The following NELL2 variants were observed in gnomAD, a reference collection of about 807,000 sequenced individuals.
NELL2 encodes protein kinase C-binding protein NELL2.
NELL2 carries 41 observed loss-of-function variants against 109.6 expected under a neutral mutation model. That is an observed-to-expected ratio of 0.37 (90% CI 0.29 to 0.49). NELL2 has a LOEUF of 0.49. Among genes scored for constraint, NELL2 ranks in the 20% least tolerant of loss-of-function variants. The pLI is 0.98. For synonymous variants in NELL2, 355 were observed against 344.7 expected, an observed-to-expected ratio of 1.03 and a Z score of -0.33; for missense variants, 900 against 1,008.3, an observed-to-expected ratio of 0.89 and a Z score of 1.45.
intron 2 of NELL2, among the ~76,000 whole-genome samples, chr12:44,842,344 G>C (rs1243158989): frequency 1.3e-5 from 2 of 152,036 alleles, no homozygotes; most frequent in Admixed American, 1.3e-4. Context: ...AATGGGGAAA[G>C]GACATTGTTT....
At chr12:44,882,905 G>A (rs2703040) in intron 1 of NELL2, among the ~76,000 whole-genome samples, 2,603 of 139,250 alleles carry the variant, frequency 0.019, 105 homozygotes, top group African/African-American at 0.067. Context: ...TAGTGGTGCA[G>A]TCTCAACTCA....
intron 1 of NELL2, among the ~76,000 whole-genome samples, chr12:44,891,040 A>C (rs1212585359): frequency 6.6e-6 from 1 of 152,044 alleles, no homozygotes; most frequent in African/African-American, 2.4e-5. Context: ...GGGTTCATAC[A>C]TTTCATTATG....
chr12:44,539,244 C>T (rs576555437), intron 15 of NELL2, among the ~76,000 whole-genome samples: 1 of 152,050 alleles, frequency 6.6e-6, no homozygotes, highest in African/African-American at 2.4e-5. Context: ...GTTTTTCTCC[C>T]CTGTTCAAAA....
At chr12:44,714,352 A>G (rs576304798) in intron 10 of NELL2, among the ~76,000 whole-genome samples, 1 of 152,094 alleles carries the variant, frequency 6.6e-6, no homozygotes, top group African/African-American at 2.4e-5. Flanking sequence ...AACTTCACCT[A>G]CATTTTCCTC....
intron 11 of NELL2, among the ~76,000 whole-genome samples, chr12:44,705,829 T>C (rs1465447850): frequency 1.3e-5 from 2 of 152,226 alleles, no homozygotes; most frequent in Non-Finnish European, 2.9e-5. Flanking sequence ...TTGCCTGTAC[T>C]GTTTCAAACA....
intron 12 of NELL2, 101 bp from the exon 13 acceptor site, chr12:44,665,710 T>C (rs1404374069): frequency 3.1e-6 from 4 of 1,277,066 alleles, no homozygotes; most frequent in East Asian, 2.5e-5. Context: ...ACTAAATGAA[T>C]AGCATTTCAG....
chr12:44,893,059 C>T (rs1425317417), intron 1 of NELL2, among the ~76,000 whole-genome samples: 2 of 152,156 alleles, frequency 1.3e-5, no homozygotes, highest in East Asian at 3.9e-4. Flanking sequence ...TTTCCACAAA[C>T]TGGGTGGCTT....
At chr12:44,897,777 C>G (rs1245688245) in intron 1 of NELL2, among the ~76,000 whole-genome samples, 1 of 151,930 alleles carries the variant, frequency 6.6e-6, no homozygotes, top group African/African-American at 2.4e-5. Flanking sequence ...ACTGTTTACT[C>G]CCCTGGAAAA....
At chr12:44,786,342 G>C (rs1186398400) in intron 3 of NELL2, among the ~76,000 whole-genome samples, 2 of 152,144 alleles carry the variant, frequency 1.3e-5, no homozygotes, top group Non-Finnish European at 2.9e-5. Flanking sequence ...TCTCATGCCA[G>C]TTAGAATGGC....
chr12:44,791,174 G>T (rs1458164136), intron 3 of NELL2, among the ~76,000 whole-genome samples: 5 of 36,092 alleles, frequency 1.4e-4, no homozygotes, highest in South Asian at 1.0e-3. Flanking sequence ...CACATATATA[G>T]TATTCCATCA....
upstream of NELL2, among the ~76,000 whole-genome samples, chr12:44,915,669 T>C (rs768511798): frequency 1.6e-4 from 24 of 152,292 alleles, no homozygotes; most frequent in Admixed American, 4.6e-4. Flanking sequence ...TTTTGAAGCT[T>C]ATTCAAAAAA....
At chr12:44,723,281 G>A (rs1445735314) in intron 9 of NELL2, among the ~76,000 whole-genome samples, 4 of 152,100 alleles carry the variant, frequency 2.6e-5, no homozygotes, top group Non-Finnish European at 5.9e-5. Flanking sequence ...TTTTAGAGCT[G>A]CCCAGGTAGA....
At chr12:44,714,409 A>G (rs973368700) in intron 10 of NELL2, among the ~76,000 whole-genome samples, 7 of 151,992 alleles carry the variant, frequency 4.6e-5, no homozygotes, top group Non-Finnish European at 1.0e-4. Flanking sequence ...ACATACGACA[A>G]CTTCATAAAG....
rs752295389 is a variant in NELL2 at position 44,763,485 on chromosome 12, GCAAACAAA to G, written c.994+11254_994+11261del. 1.7e-4 allele frequency among the ~76,000 whole-genome samples: 26 copies of G among 151,938 alleles called. 1 individual carries two copies. The highest frequency in any genetic ancestry group is 4.1e-4 in the South Asian group (2 of 4,830). On this transcript the variant is annotated intron_variant, in intron 9 of 19. Transcript: ENST00000429094. ...CCTAAATCTAATAATAATGATTTAGGCAAACAAACAAACAAACAAACAAAAGGCTCTTG... is the reference window on the plus strand; with the variant it reads ...CCTAAATCTAATAATAATGATTTAGGCAAACAAACAAACAAAAGGCTCTTG...
chr12:44,869,711 T>G (rs1330455991), intron 2 of NELL2, among the ~76,000 whole-genome samples: 2 of 152,152 alleles, frequency 1.3e-5, no homozygotes, highest in Non-Finnish European at 2.9e-5. Context: ...GCCCTCAATG[T>G]AACTGAATAC....
chr12:44,777,341 A>T (rs1472948037), intron 5 of NELL2, 27 bp from the exon 6 acceptor site: 2 of 1,585,804 alleles, frequency 1.3e-6, no homozygotes. Context: ...GAAAAAAAAG[A>T]CATATTACTT....
At position 44,779,928 on chromosome 12, in the gene NELL2, T is replaced by C; in HGVS notation, c.430A>G (p.Ile144Val). The C allele has an allele frequency of 6.2e-7, 1 of 1,613,940 alleles. No homozygotes were observed. The highest frequency in any genetic ancestry group is 1.3e-5 in the African/African-American group (1 of 75,022). Residue 144 changes from isoleucine to valine, a missense_variant, in exon 4 of 20, where the codon ATT becomes GTT. Coordinates refer to ENST00000429094, the MANE Select transcript of NELL2 (RefSeq NM_001145108.2). ...TTGTGCCACTTGTCATCAGCCAAAATGTAAGGAAACACTTCTGTGTGAGGG... is the reference window on the plus strand; with the variant it reads ...TTGTGCCACTTGTCATCAGCCAAAACGTAAGGAAACACTTCTGTGTGAGGG... The part of the protein sequence containing the change: ...HRPHTEVFPY[I>V]LADDKWHKLS...
At chr12:44,873,237 C>T (rs1279336348) in intron 2 of NELL2, among the ~76,000 whole-genome samples, 1 of 152,118 alleles carries the variant, frequency 6.6e-6, no homozygotes, top group Non-Finnish European at 1.5e-5. Context: ...TAGGCATTTA[C>T]TCTGTCTAAA....
intron 1 of NELL2, among the ~76,000 whole-genome samples, chr12:44,907,606 G>A (rs1267225284): frequency 1.3e-5 from 2 of 152,076 alleles, no homozygotes; most frequent in Non-Finnish European, 2.9e-5. Context: ...ATTAGAGACA[G>A]TAAAGTAGGA....
Sources: gnomAD v4.1 joint callset for allele counts (sites outside exome capture counted in the v4.1 genomes callset) on GRCh38, gnomAD v4.1.1 for gene constraint, MANE v1.5 for transcripts, NCBI Gene and HGNC (gene_info 2026-07-23, HGNC 2026-07-21) for gene names.